INPP5A: variants seen among roughly 807,000 people sequenced by gnomAD.
The protein encoded by INPP5A is 43 kDa inositol polyphosphate 5-phophatase.
In INPP5A, 14 loss-of-function variants were observed where a neutral mutation model predicts 65.2. The observed-to-expected ratio is 0.21, with a 90% CI of 0.14 to 0.34. INPP5A has a LOEUF of 0.34. Among genes scored for constraint, INPP5A ranks in the 10% least tolerant of loss-of-function variants. The pLI is 1.00. For synonymous variants in INPP5A, 207 were observed against 208.3 expected, an observed-to-expected ratio of 0.99 and a Z score of 0.05; for missense variants, 431 against 545.6, an observed-to-expected ratio of 0.79 and a Z score of 2.09.
intron 8 of INPP5A, among the ~76,000 whole-genome samples, chr10:132,712,385 TTGTG>T (rs775273140): frequency 6.6e-6 from 1 of 151,300 alleles, no homozygotes; most frequent in African/African-American, 2.4e-5. Context: ...GTGTGGATGC[TTGTG>T]TGTGCATGTG....
intron 1 of INPP5A, among the ~76,000 whole-genome samples, chr10:132,581,567 A>T (rs1267817348): frequency 6.6e-6 from 1 of 151,910 alleles, no homozygotes; most frequent in Non-Finnish European, 1.5e-5. Context: ...TTGTTTTTTC[A>T]GTTTTAGCTC....
chr10:132,773,044 C>T (rs1846984779), intron 12 of INPP5A, among the ~76,000 whole-genome samples: 1 of 152,270 alleles, frequency 6.6e-6, no homozygotes, highest in Non-Finnish European at 1.5e-5. Context: ...GGTGCTGTTA[C>T]TGCAGGCGGG....
chr10:132,750,400 C>A (rs11146498), intron 11 of INPP5A, among the ~76,000 whole-genome samples: 103 of 152,314 alleles, frequency 6.8e-4, no homozygotes, highest in African/African-American at 2.3e-3. Flanking sequence ...TGGGAATGTG[C>A]GGCTCAGGTC....
intron 2 of INPP5A, among the ~76,000 whole-genome samples, chr10:132,642,331 G>A (rs1285410008): frequency 1.3e-5 from 2 of 152,228 alleles, no homozygotes; most frequent in African/African-American, 2.4e-5. Flanking sequence ...AAGCCCTGGT[G>A]TCCTCGGTTC....
chr10:132,713,327 A>G (rs1056347477), intron 8 of INPP5A, among the ~76,000 whole-genome samples: 10 of 151,982 alleles, frequency 6.6e-5, no homozygotes, highest in African/African-American at 2.4e-4. Context: ...TGCATTCTCC[A>G]GTAGGTGTGG....
rs2070957921 is a variant in INPP5A at position 132,545,434 on chromosome 10, C to T, written c.75+7263C>T. Reference sequence around the variant, plus strand: ...GTGGGGCTCACGGAGGGACAGCCTCCAGGAAGGTGGCCTCCATCCGGGAAT... The same window carrying T: ...GTGGGGCTCACGGAGGGACAGCCTCTAGGAAGGTGGCCTCCATCCGGGAAT... On this transcript the variant is annotated intron_variant, in intron 1 of 15. Transcript: ENST00000368594. This position sits in a 1 kb window ranked among gnomAD's most constrained non-coding sequence, Gnocchi z 4.6. Among the ~76,000 whole-genome samples the T allele has an allele frequency of 6.6e-6, 1 of 152,186 alleles. No individual in the cohort carries two copies. The highest frequency in any genetic ancestry group is 2.4e-5 in the African/African-American group (1 of 41,440).
chr10:132,666,559 CGA>C (rs1564955946), intron 4 of INPP5A, among the ~76,000 whole-genome samples: 2 of 152,304 alleles, frequency 1.3e-5, no homozygotes, highest in African/African-American at 2.4e-5. Flanking sequence ...CGCACCATCC[CGA>C]GGCTGCCGAC....
intron 4 of INPP5A, among the ~76,000 whole-genome samples, chr10:132,682,023 C>T (rs1004527317): frequency 2.6e-5 from 4 of 152,158 alleles, no homozygotes; most frequent in Non-Finnish European, 4.4e-5. Context: ...TGCCTGGTTG[C>T]CAGGGGCTGG....
At chr10:132,606,234 C>A (rs1242513073) in intron 1 of INPP5A, among the ~76,000 whole-genome samples, 1 of 151,640 alleles carries the variant, frequency 6.6e-6, no homozygotes. Flanking sequence ...TGAGGGTCCT[C>A]AGTGGCGGGA....
chr10:132,680,261 C>CAACAAA (rs1160483382), intron 4 of INPP5A, among the ~76,000 whole-genome samples: 1 of 152,164 alleles, frequency 6.6e-6, no homozygotes, highest in Non-Finnish European at 1.5e-5. Context: ...ACAACAGCAA[C>CAACAAA]AACAAAAACC....
chr10:132,585,758 C>T (rs929841959), intron 1 of INPP5A, among the ~76,000 whole-genome samples: 1 of 152,262 alleles, frequency 6.6e-6, no homozygotes, highest in African/African-American at 2.4e-5. Flanking sequence ...ACATCCTCTG[C>T]TTCTGGGGTG....
intron 9 of INPP5A, among the ~76,000 whole-genome samples, chr10:132,728,609 C>G (rs1031211383): frequency 6.6e-6 from 1 of 152,236 alleles, no homozygotes; most frequent in African/African-American, 2.4e-5. Flanking sequence ...CCACAGTGCA[C>G]ATAAGTACTT....
rs535778424 is a variant in INPP5A at position 132,629,992 on chromosome 10, C to T, written c.118-15876C>T. On this transcript the variant is annotated intron_variant, in intron 2 of 15. Transcript: ENST00000368594. ...AGCGTTCTTGAGGGAACGTCATCCT[C>T]GAGGGAAAAGCATCCTCCAGGGGAA... Among the ~76,000 whole-genome samples the T allele has an allele frequency of 1.8e-4, 28 of 151,402 alleles. No homozygotes were observed. The South Asian group carries it at 1.9e-3, about 10-fold the overall frequency.
chr10:132,590,652 A>G (rs2071608693), intron 1 of INPP5A, among the ~76,000 whole-genome samples: 1 of 152,212 alleles, frequency 6.6e-6, no homozygotes, highest in South Asian at 2.1e-4. Flanking sequence ...CGTTGCTTCC[A>G]GACAGCCTCG....
rs56718420 is a variant in INPP5A, at chr10:132,707,354, CT to C, written c.475-956del. The stretch of plus-strand genomic sequence containing the variant: ...CGTTCCCCCGCCACTGCCTGAAGCG[CT>C]TTGCTTTGTGGACCTTGGACTTGAC... On this transcript the variant is annotated intron_variant, in intron 6 of 15. Coordinates refer to ENST00000368594, the MANE Select transcript of INPP5A (RefSeq NM_005539.5). This position sits in a 1 kb window ranked among gnomAD's most constrained non-coding sequence, Gnocchi z 5.5. Among the ~76,000 whole-genome samples the C allele has an allele frequency of 0.31, 47,171 of 152,236 alleles. 8,265 individuals carry two copies. Among genetic ancestry groups the C allele is most frequent in the East Asian group, 0.77 (3,998 of 5,170 alleles).
At chr10:132,717,399 G>A (rs1214259498) in intron 8 of INPP5A, among the ~76,000 whole-genome samples, 1 of 151,446 alleles carries the variant, frequency 6.6e-6, no homozygotes, top group Non-Finnish European at 1.5e-5. Flanking sequence ...AGTGGTTGCT[G>A]TGACTCCACC....
chr10:132,738,567 A>G (rs1341112840), intron 9 of INPP5A, among the ~76,000 whole-genome samples: 2 of 152,234 alleles, frequency 1.3e-5, no homozygotes, highest in East Asian at 3.9e-4. Context: ...ATGGTGCTAG[A>G]CACAGCCTGA....
At position 132,781,343 on chromosome 10, in the gene INPP5A, C is replaced by T. The variant is rs147937203; in HGVS notation, c.1158+426C>T. The stretch of plus-strand genomic sequence containing the variant: ...GCGCTCCCCACCGTGTGCCAAGGGG[C>T]AGCACTGGCACAGATCGTTTATTCA... On this transcript the variant is annotated intron_variant, in intron 14 of 15. Transcript: ENST00000368594. 2.1e-3 allele frequency among the ~76,000 whole-genome samples: 314 copies of T among 152,324 alleles called. 1 individual carries two copies. Among genetic ancestry groups the T allele is most frequent in the African/African-American group, 6.9e-3 (286 of 41,572 alleles).
intron 11 of INPP5A, among the ~76,000 whole-genome samples, chr10:132,752,132 G>GGAGGCGGCTGCCCAGGAGGCGTCTGGGTT: frequency 6.6e-6 from 1 of 150,752 alleles, no homozygotes; most frequent in Non-Finnish European, 1.5e-5. Flanking sequence ...GCGTCTGGGT[G>GGAGGCGGCTGCCCAGGAGGCGTCTGGGTT]GAGGCAGGTG....
Sources: allele counts gnomAD v4.1 joint callset (sites outside exome capture counted in the v4.1 genomes callset), GRCh38; gene constraint gnomAD v4.1.1; non-coding constraint Gnocchi (gnomAD v3.1); transcripts MANE v1.5; gene names NCBI Gene and HGNC (gene_info 2026-07-23, HGNC 2026-07-21).